Variants in FNIP1 observed in about 807,000 individuals in gnomAD.
The protein encoded by FNIP1 is folliculin interacting protein 1.
In FNIP1, 40 loss-of-function variants were observed where a neutral mutation model predicts 124.5. The observed-to-expected ratio is 0.32, with a 90% CI of 0.25 to 0.42. The LOEUF (loss-of-function observed/expected upper bound fraction) is 0.42, where lower values mean the gene tolerates loss of function less well. Among genes scored for constraint, FNIP1 ranks in the 10% least tolerant of loss-of-function variants. The pLI is 1.00. For missense variants in FNIP1, 1,176 were observed against 1,403.7 expected (o/e 0.84, Z 2.59); for synonymous variants, 472 against 470.6 (o/e 1.00, Z -0.04).
intron 1 of FNIP1, among the ~76,000 whole-genome samples, chr5:131,794,099 G>A (rs948046090): frequency 2.0e-5 from 3 of 151,866 alleles, no homozygotes; most frequent in African/African-American, 7.2e-5. Flanking sequence ...GGAGGCCAAG[G>A]TGGGAGGATA....
intron 13 of FNIP1, among the ~76,000 whole-genome samples, chr5:131,673,764 A>G (rs1469850417): frequency 4.6e-5 from 7 of 152,156 alleles, no homozygotes; most frequent in Non-Finnish European, 8.8e-5. Flanking sequence ...GGCCGGGCAC[A>G]GTGGCTCACG....
chr5:131,725,681 C>A (rs1008762359), intron 3 of FNIP1, among the ~76,000 whole-genome samples: 1 of 152,028 alleles, frequency 6.6e-6, no homozygotes, highest in Non-Finnish European at 1.5e-5. Context: ...ATTTGAATAC[C>A]CTTTATTTAT....
At chr5:131,758,394 C>T (rs1771118940) in intron 1 of FNIP1, among the ~76,000 whole-genome samples, 1 of 152,144 alleles carries the variant, frequency 6.6e-6, no homozygotes, top group Non-Finnish European at 1.5e-5. Context: ...TTTACCAGAA[C>T]CTAAGTCTTC....
At chr5:131,679,679 C>A (rs1271895906) in intron 11 of FNIP1, among the ~76,000 whole-genome samples, 1 of 152,180 alleles carries the variant, frequency 6.6e-6, no homozygotes. Flanking sequence ...ACAGCGAGAA[C>A]AGTATACATA....
chr5:131,749,550 C>T (rs1303537071), intron 1 of FNIP1, among the ~76,000 whole-genome samples: 2 of 152,094 alleles, frequency 1.3e-5, no homozygotes, highest in South Asian at 4.2e-4. Flanking sequence ...TGCCATCATG[C>T]CTGGCTAATT....
chr5:131,734,886 T>A (rs1216161642), intron 2 of FNIP1, among the ~76,000 whole-genome samples: 1 of 152,228 alleles, frequency 6.6e-6, no homozygotes, highest in Non-Finnish European at 1.5e-5. Context: ...TCAACCATTG[T>A]GGAAGACAGT....
At chr5:131,775,515 C>T (rs1191916152) in intron 1 of FNIP1, among the ~76,000 whole-genome samples, 3 of 145,962 alleles carry the variant, frequency 2.1e-5, no homozygotes, top group African/African-American at 7.5e-5. Flanking sequence ...TATATATATA[C>T]ATATTATATA....
At chr5:131,735,586 A>T (rs1770269759) in intron 2 of FNIP1, among the ~76,000 whole-genome samples, 1 of 148,762 alleles carries the variant, frequency 6.7e-6, no homozygotes, top group South Asian at 2.1e-4. Context: ...ATACATATAC[A>T]CGTATTTATA....
chr5:131,751,126 T>C (rs1770859920), intron 1 of FNIP1, among the ~76,000 whole-genome samples: 1 of 152,138 alleles, frequency 6.6e-6, no homozygotes, highest in South Asian at 2.1e-4. Flanking sequence ...TCCAGACTCT[T>C]TTCATGTTAC....
intron 1 of FNIP1, among the ~76,000 whole-genome samples, chr5:131,778,885 C>G (rs1272083990): frequency 7.7e-6 from 1 of 129,730 alleles, no homozygotes; most frequent in Non-Finnish European, 1.6e-5. Flanking sequence ...TCTCAGTAAA[C>G]TATCGCAAGA....
intron 15 of FNIP1, among the ~76,000 whole-genome samples, chr5:131,653,926 G>C (rs946638010): frequency 5.3e-5 from 8 of 152,128 alleles, no homozygotes; most frequent in African/African-American, 1.9e-4. Context: ...ACTTTTAGTA[G>C]AGACAGGGTT....
intron 15 of FNIP1, among the ~76,000 whole-genome samples, chr5:131,661,711 G>A (rs927162429): frequency 1.3e-5 from 2 of 152,130 alleles, no homozygotes; most frequent in African/African-American, 4.8e-5. Context: ...TGACTATGGT[G>A]CGGTGAGCAA....
At chr5:131,782,427 G>A (rs1028552064) in intron 1 of FNIP1, among the ~76,000 whole-genome samples, 5 of 152,014 alleles carry the variant, frequency 3.3e-5, no homozygotes, top group African/African-American at 9.7e-5. Flanking sequence ...ACAAAAATTG[G>A]CCGGGTGTGG....
rs545996734 is a variant in FNIP1, at chr5:131,688,977, C to T, written c.1203-9802G>A. On this transcript the variant is annotated intron_variant, in intron 11 of 17. Coordinates refer to ENST00000510461, the MANE Select transcript of FNIP1 (RefSeq NM_133372.3). Reference sequence around the variant, plus strand: ...TTAGTAACAGACAACAAACCATAGACGCAGGAGGCTCACAGAACACCAAGC... The same window carrying T: ...TTAGTAACAGACAACAAACCATAGATGCAGGAGGCTCACAGAACACCAAGC... Among the ~76,000 whole-genome samples, 9 of 151,652 alleles carry T rather than the reference C, an allele frequency of 5.9e-5. No individual in the cohort carries two copies. The East Asian group carries it at 1.2e-3, about 20-fold the overall frequency.
At chr5:131,723,167 A>T (rs1769734115) in intron 3 of FNIP1, among the ~76,000 whole-genome samples, 1 of 152,170 alleles carries the variant, frequency 6.6e-6, no homozygotes, top group Admixed American at 6.5e-5. Context: ...TAAAATAGCT[A>T]TTTAAAAAAT....
chr5:131,734,734 G>T (rs933880385), intron 2 of FNIP1, among the ~76,000 whole-genome samples: 2 of 152,190 alleles, frequency 1.3e-5, no homozygotes, highest in African/African-American at 4.8e-5. Flanking sequence ...CTGGCCATCA[G>T]AGAGATGCAA....
At chr5:131,673,916 G>T (rs1767839090) in intron 13 of FNIP1, among the ~76,000 whole-genome samples, 1 of 151,952 alleles carries the variant, frequency 6.6e-6, no homozygotes, top group African/African-American at 2.4e-5. Flanking sequence ...GGCACCTGTA[G>T]TCCCAGCTAC....
chr5:131,726,864 C>A (rs1047071124), intron 3 of FNIP1, among the ~76,000 whole-genome samples: 1 of 151,732 alleles, frequency 6.6e-6, no homozygotes, highest in Non-Finnish European at 1.5e-5. Flanking sequence ...TATGGTGTGT[C>A]TTTGTTCAAA....
chr5:131,674,570 T>C (rs1002552493), intron 13 of FNIP1, among the ~76,000 whole-genome samples: 1 of 150,938 alleles, frequency 6.6e-6, no homozygotes, highest in Non-Finnish European at 1.5e-5. Flanking sequence ...TACAGAAAAT[T>C]AGCTGGGCAT....
Sources: allele counts gnomAD v4.1 joint callset (sites outside exome capture counted in the v4.1 genomes callset), GRCh38; gene constraint gnomAD v4.1.1; transcripts MANE v1.5; gene names NCBI Gene and HGNC (gene_info 2026-07-23, HGNC 2026-07-21).